The following LRRC3B variants were observed in gnomAD, a reference collection of about 807,000 sequenced individuals.
LRRC3B encodes the protein leucine-rich repeat-containing protein 3B.
LRRC3B carries 2 observed loss-of-function variants against 12.8 expected under a neutral mutation model. That is an observed-to-expected ratio of 0.16 (90% confidence interval 0.06 to 0.49). The LOEUF is 0.49. Among genes scored for constraint, LRRC3B ranks in the 20% least tolerant of loss-of-function variants. The pLI is 0.96. For synonymous variants in LRRC3B, 132 were observed against 122.0 expected, an observed-to-expected ratio of 1.08 and a Z score of -0.54; for missense variants, 189 against 319.4, an observed-to-expected ratio of 0.59 and a Z score of 3.11.
At chr3:26,637,672 T>C (rs1416611193) in intron 1 of LRRC3B, among the ~76,000 whole-genome samples, 1 of 152,196 alleles carries the variant, frequency 6.6e-6, no homozygotes, top group Non-Finnish European at 1.5e-5. Context: ...TTTTTCCTAC[T>C]ATAGATCCCT....
intron 1 of LRRC3B, among the ~76,000 whole-genome samples, chr3:26,660,768 G>C (rs1412356620): frequency 6.6e-6 from 1 of 152,106 alleles, no homozygotes. Context: ...AGACCTTGAG[G>C]TCAGAGAGCA....
intron 1 of LRRC3B, among the ~76,000 whole-genome samples, chr3:26,708,842 G>A (rs960613655): frequency 6.6e-6 from 1 of 152,110 alleles, no homozygotes; most frequent in African/African-American, 2.4e-5. Context: ...AGGGGATATG[G>A]TCCTTAGAAA....
intron 1 of LRRC3B, among the ~76,000 whole-genome samples, chr3:26,691,629 G>A (rs1358493056): frequency 6.6e-6 from 1 of 152,158 alleles, no homozygotes; most frequent in Non-Finnish European, 1.5e-5. Flanking sequence ...TCATTAGTCT[G>A]GATAGTTCAG....
intron 1 of LRRC3B, among the ~76,000 whole-genome samples, chr3:26,645,156 A>G (rs190826378): frequency 5.3e-5 from 8 of 152,216 alleles, no homozygotes; most frequent in Admixed American, 5.2e-4. Context: ...TCAAATTAAT[A>G]GTTGCAGGAA....
intron 1 of LRRC3B, among the ~76,000 whole-genome samples, chr3:26,697,597 C>T (rs1228621755): frequency 1.3e-5 from 2 of 152,156 alleles, no homozygotes; most frequent in South Asian, 4.1e-4. Context: ...TTTGGCTTAT[C>T]ATAATCTATC....
At chr3:26,695,207 AT>A (rs1440435913) in intron 1 of LRRC3B, among the ~76,000 whole-genome samples, 1 of 152,156 alleles carries the variant, frequency 6.6e-6, no homozygotes, top group African/African-American at 2.4e-5. Context: ...TTTATGACAA[AT>A]ATTTAGATTA....
At chr3:26,710,170 A>G in exon 2 of LRRC3B, 1 of 1,614,000 alleles carries the variant, frequency 6.2e-7, no homozygotes, top group Non-Finnish European at 8.5e-7. Flanking sequence ...ATCATGAGAC[A>G]GCCCACAACG....
At chr3:26,640,749 G>A (rs1046315231) in intron 1 of LRRC3B, among the ~76,000 whole-genome samples, 1 of 152,168 alleles carries the variant, frequency 6.6e-6, no homozygotes. Flanking sequence ...GTTCTGCATG[G>A]CATGCTGGGT....
intron 1 of LRRC3B, among the ~76,000 whole-genome samples, chr3:26,650,748 A>T (rs1290806346): frequency 6.6e-6 from 1 of 152,170 alleles, no homozygotes; most frequent in Non-Finnish European, 1.5e-5. Flanking sequence ...TAGTTAGTAA[A>T]CACTGTAGCC....
intron 1 of LRRC3B, among the ~76,000 whole-genome samples, chr3:26,633,058 C>T (rs1189368944): frequency 6.6e-6 from 1 of 152,150 alleles, no homozygotes; most frequent in Admixed American, 6.5e-5. Flanking sequence ...CCCTGCCCCA[C>T]CAAAAGACTT....
At chr3:26,636,922 C>CTTTCTTTCTTTCTTTCTTT (rs1559350289) in intron 1 of LRRC3B, among the ~76,000 whole-genome samples, 6 of 61,452 alleles carry the variant, frequency 9.8e-5, no homozygotes, top group African/African-American at 5.4e-4. Context: ...TTCTCTCTTT[C>CTTTCTTTCTTTCTTTCTTT]TTTCTTTCTT....
intron 1 of LRRC3B, among the ~76,000 whole-genome samples, chr3:26,634,599 C>T (rs1698826705): frequency 6.6e-6 from 1 of 152,112 alleles, no homozygotes; most frequent in African/African-American, 2.4e-5. Flanking sequence ...TTGGCTGTTC[C>T]CTTGAGATGG....
At chr3:26,651,619 A>G (rs1699266522) in intron 1 of LRRC3B, among the ~76,000 whole-genome samples, 1 of 152,234 alleles carries the variant, frequency 6.6e-6, no homozygotes, top group Non-Finnish European at 1.5e-5. Flanking sequence ...GAATGAATGA[A>G]TGAATGAAGT....
At chr3:26,693,068 C>A (rs373435741) in intron 1 of LRRC3B, among the ~76,000 whole-genome samples, 1 of 152,052 alleles carries the variant, frequency 6.6e-6, no homozygotes, top group South Asian at 2.1e-4. Context: ...CGGTGGCTCA[C>A]GCCTGTAATC....
At chr3:26,694,550 T>A (rs1700262268) in intron 1 of LRRC3B, 1 of 152,206 alleles carries the variant, frequency 6.6e-6, no homozygotes, top group African/African-American at 2.4e-5. Flanking sequence ...CATGAGACAG[T>A]CATTATCAGA....
chr3:26,685,523 C>CTCTCTATATATA (rs1200535225), intron 1 of LRRC3B, among the ~76,000 whole-genome samples: 1 of 38,302 alleles, frequency 2.6e-5, no homozygotes, highest in Non-Finnish European at 4.2e-5. Context: ...CTCTCTCTCT[C>CTCTCTATATATA]TATATATATA....
intron 1 of LRRC3B, among the ~76,000 whole-genome samples, chr3:26,679,561 G>A (rs895688805): frequency 6.6e-6 from 1 of 152,210 alleles, no homozygotes; most frequent in African/African-American, 2.4e-5. Flanking sequence ...CTGTTCAAGT[G>A]TTACCTCCCT....
chr3:26,672,766 T>C (rs1425664507), intron 1 of LRRC3B, among the ~76,000 whole-genome samples: 1 of 152,214 alleles, frequency 6.6e-6, no homozygotes, highest in Non-Finnish European at 1.5e-5. Context: ...TTTGCCCCAT[T>C]TTCATGTCTT....
At chr3:26,706,115 C>A (rs957250945) in intron 1 of LRRC3B, among the ~76,000 whole-genome samples, 2 of 152,138 alleles carry the variant, frequency 1.3e-5, no homozygotes, top group African/African-American at 2.4e-5. Context: ...TGATGGCTCT[C>A]TTCTCTCTGT....
Sources: allele counts gnomAD v4.1 joint callset (sites outside exome capture counted in the v4.1 genomes callset), GRCh38; gene constraint gnomAD v4.1.1; transcripts MANE v1.5; gene names NCBI Gene and HGNC (gene_info 2026-07-23, HGNC 2026-07-21).